Variants in UBE2E2 observed in about 807,000 individuals in gnomAD.
The protein encoded by UBE2E2 is ubiquitin-conjugating enzyme E2 E2.
A neutral mutation model predicts 24.7 loss-of-function variants in UBE2E2; 6 were observed. The ratio of observed to expected loss-of-function variants is 0.24; its 90% CI spans 0.13 to 0.48. The LOEUF is 0.48. Among genes scored for constraint, UBE2E2 ranks in the 20% least tolerant of loss-of-function variants. UBE2E2 has a pLI of 0.99. For synonymous variants in UBE2E2, 104 were observed against 83.6 expected, an observed-to-expected ratio of 1.24 and a Z score of -1.33; for missense variants, 169 against 245.0, an observed-to-expected ratio of 0.69 and a Z score of 2.07.
intron 3 of UBE2E2, among the ~76,000 whole-genome samples, chr3:23,220,576 G>A (rs942486066): frequency 6.6e-6 from 1 of 152,160 alleles, no homozygotes; most frequent in African/African-American, 2.4e-5. Flanking sequence ...TAACTGTCAT[G>A]TTGGCTAACA....
intron 3 of UBE2E2, among the ~76,000 whole-genome samples, chr3:23,305,850 T>A (rs536223720): frequency 2.6e-4 from 39 of 152,258 alleles, no homozygotes; most frequent in African/African-American, 8.7e-4. Context: ...TTGCCTTAGC[T>A]TCCCAAAGTG....
intron 3 of UBE2E2, among the ~76,000 whole-genome samples, chr3:23,282,301 T>A (rs571073335): frequency 6.6e-6 from 1 of 152,372 alleles, no homozygotes; most frequent in Non-Finnish European, 1.5e-5. Flanking sequence ...GCTGGATGAA[T>A]GTTTATTATT....
chr3:23,286,487 TA>T (rs1481583527), intron 3 of UBE2E2, among the ~76,000 whole-genome samples: 1 of 152,186 alleles, frequency 6.6e-6, no homozygotes, highest in Non-Finnish European at 1.5e-5. Flanking sequence ...CTGGATTCTC[TA>T]TTTTGTTTCA....
At chr3:23,426,370 A>G (rs1389932835) in intron 3 of UBE2E2, among the ~76,000 whole-genome samples, 2 of 151,002 alleles carry the variant, frequency 1.3e-5, no homozygotes, top group African/African-American at 4.9e-5. Flanking sequence ...TTAATGTCCC[A>G]CACTAAACCA....
At chr3:23,397,449 TC>T (rs1482373545) in intron 3 of UBE2E2, among the ~76,000 whole-genome samples, 1 of 152,174 alleles carries the variant, frequency 6.6e-6, no homozygotes, top group African/African-American at 2.4e-5. Flanking sequence ...AAAGTGAACA[TC>T]CATTAACTGC....
intron 3 of UBE2E2, among the ~76,000 whole-genome samples, chr3:23,317,176 C>CTTGCCTAGGAA (rs1308515458): frequency 2.0e-5 from 3 of 152,192 alleles, no homozygotes; most frequent in African/African-American, 7.2e-5. Flanking sequence ...GGCACTAGGA[C>CTTGCCTAGGAA]TTGCCTAGGA....
intron 3 of UBE2E2, among the ~76,000 whole-genome samples, chr3:23,419,428 G>A (rs1697739900): frequency 6.6e-6 from 1 of 152,158 alleles, no homozygotes; most frequent in East Asian, 1.9e-4. Context: ...TTGTCAACAT[G>A]TAGTACACTT....
chr3:23,379,160 G>A (rs938298510), intron 3 of UBE2E2, among the ~76,000 whole-genome samples: 4 of 152,114 alleles, frequency 2.6e-5, no homozygotes, highest in Non-Finnish European at 5.9e-5. Flanking sequence ...ACATAATTAT[G>A]AAGTAGCTCC....
chr3:23,534,334 T>G (rs898137050), intron 5 of UBE2E2: 11 of 784,552 alleles, frequency 1.4e-5, no homozygotes, highest in Non-Finnish European at 1.4e-5. Flanking sequence ...AACTAGTTTT[T>G]TTTTTTTGCT....
chr3:23,249,541 T>C (rs1240485347), intron 3 of UBE2E2, among the ~76,000 whole-genome samples: 1 of 152,168 alleles, frequency 6.6e-6, no homozygotes, highest in Non-Finnish European at 1.5e-5. Flanking sequence ...AGGATAAACG[T>C]AGTTAAATTA....
Position 23,589,014 on chromosome 3 carries a change from G to A in UBE2E2, c.509-720G>A, listed in dbSNP as rs898675654. Among the ~76,000 whole-genome samples, 1 of 152,114 alleles carries A rather than the reference G, an allele frequency of 6.6e-6. No homozygotes were observed. The highest frequency in any genetic ancestry group is 1.5e-5 in the Non-Finnish European group (1 of 68,024). On this transcript the variant is annotated intron_variant, in intron 5 of 5. Coordinates refer to ENST00000396703, the MANE Select transcript of UBE2E2 (RefSeq NM_152653.4). This position sits in a 1 kb window ranked among gnomAD's most constrained non-coding sequence, Gnocchi z 4.1. ...TCTGGCAGGAGAATGCCACCTGCCTGTGGTGCTAGCCTAGGGTAAGGAGTT... is the reference window on the plus strand; with the variant it reads ...TCTGGCAGGAGAATGCCACCTGCCTATGGTGCTAGCCTAGGGTAAGGAGTT...
rs546204200 is a variant in UBE2E2 at position 23,418,264 on chromosome 3, C to T, written c.228-81344C>T. On this transcript the variant is annotated intron_variant, in intron 3 of 5. Transcript: ENST00000396703. ...GCGTAGTATCAGGGCCAGAGTGCAC[C>T]GTTCCTCATGGCACAGTTCCTCACG... 1.4e-4 allele frequency among the ~76,000 whole-genome samples: 22 copies of T among 152,312 alleles called. No homozygotes were observed. In the East Asian group the frequency reaches 2.9e-3, roughly 20 times the overall value.
At chr3:23,323,082 A>G (rs1254847105) in intron 3 of UBE2E2, among the ~76,000 whole-genome samples, 2 of 152,036 alleles carry the variant, frequency 1.3e-5, no homozygotes. Context: ...GGAATTATCT[A>G]GATTTATTAG....
chr3:23,271,365 T>C lies in UBE2E2; in HGVS notation c.227+54053T>C, dbSNP rs1405062576. ...AAGCTACAGACCTTCACGGTGAGTGTTGCAGCTCATAAAGGTGGCGCGGAC... is the reference window on the plus strand; with the variant it reads ...AAGCTACAGACCTTCACGGTGAGTGCTGCAGCTCATAAAGGTGGCGCGGAC... On this transcript the variant is annotated intron_variant, in intron 3 of 5. Transcript: ENST00000396703. Among the ~76,000 whole-genome samples the C allele has an allele frequency of 3.9e-5, 6 of 152,312 alleles. No individual in the cohort carries two copies. In the East Asian group the frequency reaches 9.6e-4, roughly 24 times the overall value.
intron 3 of UBE2E2, among the ~76,000 whole-genome samples, chr3:23,461,416 G>A (rs1035691281): frequency 6.1e-4 from 92 of 151,896 alleles, no homozygotes; most frequent in African/African-American, 2.1e-3. Flanking sequence ...GAGCTGTTCA[G>A]CAGTGTGGTA....
chr3:23,358,094 C>T (rs955831169), intron 3 of UBE2E2, among the ~76,000 whole-genome samples: 4 of 152,074 alleles, frequency 2.6e-5, no homozygotes, highest in African/African-American at 9.7e-5. Flanking sequence ...CCTTGGCCTC[C>T]CAAAATGCTA....
intron 3 of UBE2E2, among the ~76,000 whole-genome samples, chr3:23,482,705 C>T (rs1292569866): frequency 6.6e-6 from 1 of 151,876 alleles, no homozygotes; most frequent in Non-Finnish European, 1.5e-5. Context: ...TCATGAAAGC[C>T]ACTGCAAAGT....
chr3:23,515,365 T>G (rs1694708431), intron 4 of UBE2E2, among the ~76,000 whole-genome samples: 2 of 152,126 alleles, frequency 1.3e-5, no homozygotes, highest in African/African-American at 4.8e-5. Context: ...AGCACTGTTG[T>G]TGAACAAACA....
intron 3 of UBE2E2, among the ~76,000 whole-genome samples, chr3:23,306,225 A>G (rs138938873): frequency 1.4e-4 from 21 of 152,310 alleles, no homozygotes; most frequent in East Asian, 5.8e-4. Context: ...TTCTAAGTCT[A>G]TTCTGTTATT....
Sources: allele counts gnomAD v4.1 joint callset (sites outside exome capture counted in the v4.1 genomes callset), GRCh38; gene constraint gnomAD v4.1.1; non-coding constraint Gnocchi (gnomAD v3.1); transcripts MANE v1.5; gene names NCBI Gene and HGNC (gene_info 2026-07-23, HGNC 2026-07-21).